Variants in ADCY2 observed in about 807,000 individuals in gnomAD.
The protein encoded by ADCY2 is adenylate cyclase 2, also known as adenylate cyclase type 2.
In ADCY2, 31 loss-of-function variants were observed where a neutral mutation model predicts 125.2. That is an observed-to-expected ratio of 0.25 (90% CI 0.19 to 0.33). ADCY2 has a LOEUF of 0.33. Ranked by LOEUF, ADCY2 falls within the 10% of genes least tolerant of loss-of-function variation. The pLI is 1.00. For synonymous variants in ADCY2, 512 were observed against 548.4 expected, an observed-to-expected ratio of 0.93 and a Z score of 0.93; for missense variants, 904 against 1,418.2, an observed-to-expected ratio of 0.64 and a Z score of 5.82.
intron 3 of ADCY2, among the ~76,000 whole-genome samples, chr5:7,562,934 A>G (rs796834820): frequency 2.0e-5 from 3 of 152,298 alleles, no homozygotes; most frequent in African/African-American, 7.2e-5. Context: ...AGACATTCTT[A>G]TTAACTACAT....
intron 2 of ADCY2, among the ~76,000 whole-genome samples, chr5:7,450,984 C>G (rs908562462): frequency 1.4e-4 from 22 of 151,850 alleles, no homozygotes; most frequent in African/African-American, 5.3e-4. Flanking sequence ...TAAAAAGATG[C>G]CTTTCAAAAT....
chr5:7,421,977 TAAAC>T (rs1740222174), intron 2 of ADCY2, among the ~76,000 whole-genome samples: 1 of 152,224 alleles, frequency 6.6e-6, no homozygotes, highest in Non-Finnish European at 1.5e-5. Context: ...GCTGTGTAAA[TAAAC>T]AGAGTGCTGT....
intron 2 of ADCY2, among the ~76,000 whole-genome samples, chr5:7,501,646 TCCC>T (rs60705318): frequency 9.9e-5 from 4 of 40,524 alleles, no homozygotes; most frequent in Non-Finnish European, 1.7e-4. Context: ...GATTCCCCCC[TCCC>T]CCCCCCCCCG....
chr5:7,612,739 G>A (rs897948893), intron 3 of ADCY2, among the ~76,000 whole-genome samples: 8 of 152,144 alleles, frequency 5.3e-5, no homozygotes, highest in African/African-American at 1.4e-4. Context: ...ACACGAGGCC[G>A]GGCTTGGTGG....
At chr5:7,517,274 C>T (rs561297791) in intron 2 of ADCY2, among the ~76,000 whole-genome samples, 1 of 152,258 alleles carries the variant, frequency 6.6e-6, no homozygotes, top group South Asian at 2.1e-4. Flanking sequence ...CACTCTTTAG[C>T]CTCTGGACAG....
At chr5:7,767,421 A>T (rs1743417288) in intron 17 of ADCY2, among the ~76,000 whole-genome samples, 1 of 152,180 alleles carries the variant, frequency 6.6e-6, no homozygotes, top group African/African-American at 2.4e-5. Flanking sequence ...GGAAAAAAAA[A>T]AAGTTTTGCT....
At chr5:7,450,911 G>A (rs1230646296) in intron 2 of ADCY2, among the ~76,000 whole-genome samples, 2 of 152,170 alleles carry the variant, frequency 1.3e-5, no homozygotes, top group African/African-American at 2.4e-5. Context: ...TTCATGAGCT[G>A]CATGAACTTA....
chr5:7,414,904 T>C (rs567128755), intron 2 of ADCY2, 134 bp downstream of exon 2: 1 of 680,446 alleles, frequency 1.5e-6, no homozygotes, highest in Non-Finnish European at 2.4e-6. Flanking sequence ...TTTCGATTTA[T>C]ATTGCTAAAA....
intron 3 of ADCY2, among the ~76,000 whole-genome samples, chr5:7,600,425 A>G (rs1737159215): frequency 6.6e-6 from 1 of 152,220 alleles, no homozygotes; most frequent in African/African-American, 2.4e-5. Flanking sequence ...TTGAGGAACT[A>G]AAGGATGGCC....
At chr5:7,426,284 G>C (rs895496515) in intron 2 of ADCY2, among the ~76,000 whole-genome samples, 6 of 152,152 alleles carry the variant, frequency 3.9e-5, no homozygotes, top group African/African-American at 2.4e-5. Flanking sequence ...CTTTGTCTTA[G>C]TCCATTTTGC....
chr5:7,547,649 A>C (rs1026183191), intron 3 of ADCY2, among the ~76,000 whole-genome samples: 1 of 152,174 alleles, frequency 6.6e-6, no homozygotes, highest in Non-Finnish European at 1.5e-5. Flanking sequence ...TGGCATACCC[A>C]GTTCCAAGCA....
intron 2 of ADCY2, among the ~76,000 whole-genome samples, chr5:7,499,074 C>G (rs1388829962): frequency 6.6e-6 from 1 of 152,188 alleles, no homozygotes; most frequent in Admixed American, 6.5e-5. Flanking sequence ...GTGGTGCCAT[C>G]TCAGCTCACT....
intron 3 of ADCY2, among the ~76,000 whole-genome samples, chr5:7,561,496 A>G (rs898897634): frequency 6.6e-6 from 1 of 152,214 alleles, no homozygotes; most frequent in African/African-American, 2.4e-5. Context: ...TTATGAAACT[A>G]TCATTGTATA....
intron 15 of ADCY2, among the ~76,000 whole-genome samples, chr5:7,746,810 A>G (rs1381923992): frequency 1.3e-5 from 2 of 152,238 alleles, no homozygotes; most frequent in South Asian, 2.1e-4. Flanking sequence ...GTAATACTTC[A>G]TAAAGGAAGC....
intron 24 of ADCY2, among the ~76,000 whole-genome samples, chr5:7,821,456 G>A (rs771423291): frequency 6.6e-6 from 1 of 152,152 alleles, no homozygotes; most frequent in East Asian, 1.9e-4. Flanking sequence ...AAGGAAGAGC[G>A]GGAAGAGAAA....
chr5:7,448,645 C>A (rs1420278233), intron 2 of ADCY2, among the ~76,000 whole-genome samples: 1 of 152,100 alleles, frequency 6.6e-6, no homozygotes, highest in Non-Finnish European at 1.5e-5. Context: ...CCCTACCCTC[C>A]AACAGGTCCT....
chr5:7,481,352 C>T (rs1013919420), intron 2 of ADCY2, among the ~76,000 whole-genome samples: 5 of 152,114 alleles, frequency 3.3e-5, no homozygotes, highest in South Asian at 4.1e-4. Flanking sequence ...CTGCAAGCTC[C>T]GCCTCCCGGG....
intron 2 of ADCY2, among the ~76,000 whole-genome samples, chr5:7,499,662 T>TAC (rs1743483470): frequency 8.4e-6 from 1 of 118,970 alleles, no homozygotes; most frequent in Non-Finnish European, 2.0e-5. Flanking sequence ...TATATATATA[T>TAC]ATATATATAT....
chr5:7,786,571 T>A (rs2126500731), intron 19 of ADCY2, among the ~76,000 whole-genome samples: 1 of 152,356 alleles, frequency 6.6e-6, no homozygotes, highest in South Asian at 2.1e-4. Flanking sequence ...GTAGCCTTGA[T>A]GAAAACATAA....
Sources: gnomAD v4.1 joint callset for allele counts (sites outside exome capture counted in the v4.1 genomes callset) on GRCh38, gnomAD v4.1.1 for gene constraint, MANE v1.5 for transcripts, NCBI Gene and HGNC (gene_info 2026-07-23, HGNC 2026-07-21) for gene names.